Variants in PIK3IP1 observed in about 807,000 individuals in gnomAD.
The protein encoded by PIK3IP1 is phosphoinositide-3-kinase-interacting protein 1.
A neutral mutation model predicts 30.7 loss-of-function variants in PIK3IP1; 28 were observed. That is an observed-to-expected ratio of 0.91 (90% CI 0.68 to 1.25). PIK3IP1 has a LOEUF of 1.25. Among genes scored for constraint, PIK3IP1 ranks in the 50% most tolerant of loss-of-function variants. The pLI is 0.00. For missense variants in PIK3IP1, 333 were observed against 346.2 expected (o/e 0.96, Z 0.30); for synonymous variants, 159 against 140.8 (o/e 1.13, Z -0.91).
intron 5 of PIK3IP1, among the ~76,000 whole-genome samples, chr22:31,285,275 TTAA>T (rs1196751108): frequency 6.6e-6 from 1 of 152,160 alleles, no homozygotes; most frequent in Non-Finnish European, 1.5e-5. Flanking sequence ...TCCTGCTTTC[TTAA>T]TAAGTAAGGC....
chr22:31,290,797 G>T, intron 3 of PIK3IP1, 168 bp downstream of exon 3: 1 of 1,001,108 alleles, frequency 1.0e-6, no homozygotes, highest in Non-Finnish European at 1.4e-6. Context: ...TGGCGGCGGC[G>T]GCCAATAGGC....
At chr22:31,290,740 C>G (rs1450297539) in intron 3 of PIK3IP1, 2 of 586,112 alleles carry the variant, frequency 3.4e-6, no homozygotes, top group East Asian at 3.5e-5. Context: ...CCAGCCTCGC[C>G]CCGCGCAGTT....
rs767140636 is a variant in PIK3IP1, at chr22:31,283,267, C to T, written c.609G>A (p.Gln203=). The T allele has an allele frequency of 6.2e-7, 1 of 1,613,820 alleles. No individual in the cohort carries two copies. Among genetic ancestry groups the T allele is most frequent in the Non-Finnish European group, 8.5e-7 (1 of 1,180,010 alleles). The change falls in exon 6 of 6, where the codon CAG becomes CAA. Residue 203 remains glutamine (Q), a synonymous_variant. Coordinates refer to ENST00000215912, the MANE Select transcript of PIK3IP1 (RefSeq NM_052880.5). The part of the protein sequence containing the change: ...SYKRGKDLKE[Q]HDQKVCEREM... ...CCCTCTCACATACTTTCTGATCATG[C>T]TGTTCTTTCAAATCCTTCCCCCTGG...
At chr22:31,288,766 C>A (rs1480910093) in intron 5 of PIK3IP1, among the ~76,000 whole-genome samples, 2 of 152,246 alleles carry the variant, frequency 1.3e-5, no homozygotes, top group East Asian at 3.8e-4. Flanking sequence ...GGCAAACAGA[C>A]TTTCTGTTCT....
Position 31,283,371 on chromosome 22 carries a change from A to C in PIK3IP1, c.588-83T>G. On this transcript the variant is annotated intron_variant, in intron 5 of 5. Coordinates refer to ENST00000215912, the MANE Select transcript of PIK3IP1 (RefSeq NM_052880.5). ...TTAGATAGCATCCCTGAGGCTCAGC[A>C]AGAGCAGCAGCTTGCCATTGTCACA... The C allele has an allele frequency of 2.1e-6, 3 of 1,433,120 alleles. No homozygotes were observed. In the South Asian group the frequency reaches 3.7e-5, roughly 18 times the overall value. 88.8% of individuals were successfully genotyped at this position (1,433,120 alleles called of 1,614,324 possible).
At chr22:31,292,149 T>C (rs1189704287) in intron 1 of PIK3IP1, 126 bp downstream of exon 1, 1 of 905,140 alleles carries the variant, frequency 1.1e-6, no homozygotes, top group East Asian at 2.5e-5. Flanking sequence ...TGGAAAAGCT[T>C]TCACGGGACA....
Position 31,281,805 on chromosome 22 carries a change from C to T in PIK3IP1, c.*1279G>A, listed in dbSNP as rs2049091246. ...GCAGATGGCTCCATAGAAAGCCCCA[C>T]TAACCCGTCTCCACATTGGGCAGTG... On this transcript the variant is annotated 3_prime_UTR_variant, in exon 6 of 6. Coordinates refer to ENST00000215912, the MANE Select transcript of PIK3IP1 (RefSeq NM_052880.5). The T allele has an allele frequency of 1.8e-5, 1 of 54,860 alleles. No homozygotes were observed. Among genetic ancestry groups the T allele is most frequent in the African/African-American group, 2.4e-4 (1 of 4,194 alleles). The allele number at this position is 54,860 out of a possible 1,614,324, so 3.4% of individuals were successfully genotyped here.
At chr22:31,290,818 G>T in intron 3 of PIK3IP1, 147 bp downstream of exon 3, 1 of 1,218,392 alleles carries the variant, frequency 8.2e-7, no homozygotes, top group Non-Finnish European at 1.1e-6. Flanking sequence ...TTTGAGCCCC[G>T]CGGCCTGGAG....
rs115977339 is a variant in PIK3IP1 at position 31,283,078 on chromosome 22, G to T, written c.*6C>A. The T allele has an allele frequency of 7.1e-4, 1,124 of 1,582,816 alleles. 7 individuals carry two copies. The African/African-American group carries it at 0.013, about 18-fold the overall frequency. On this transcript the variant is annotated 3_prime_UTR_variant, in exon 6 of 6. Coordinates refer to ENST00000215912, the MANE Select transcript of PIK3IP1 (RefSeq NM_052880.5). ...GTCTGCATGGGCTCCTGCCCACTGG[G>T]GGGGCTCAGGCCCCAGGAGTCCCGG... is the stretch of plus-strand genomic sequence containing the variant.
rs960089873 is a variant in PIK3IP1 at position 31,291,477 on chromosome 22, C to G, written c.71-181G>C. 2.3e-4 allele frequency among the ~76,000 whole-genome samples: 34 copies of G among 150,752 alleles called. 1 individual carries two copies. Among genetic ancestry groups the G allele is most frequent in the Middle Eastern group, 3.4e-3 (1 of 290 alleles). The stretch of plus-strand genomic sequence containing the variant: ...ACCCCCACGCCCCACGCACCCCCCC[C>G]CCCCAACTCCACGCACACCTCAGGG... On this transcript the variant is annotated intron_variant, in intron 1 of 5. Coordinates refer to ENST00000215912, the MANE Select transcript of PIK3IP1 (RefSeq NM_052880.5).
At chr22:31,292,125 A>C (rs2049185370) in intron 1 of PIK3IP1, 150 bp downstream of exon 1, 1 of 698,678 alleles carries the variant, frequency 1.4e-6, no homozygotes, top group Non-Finnish European at 2.5e-6. Flanking sequence ...AGCCCCTGAC[A>C]AGGAAAGGAG....
rs41307239 is a variant in PIK3IP1, at chr22:31,292,263, T to C, written c.70+12A>G. 26,900 of 1,613,260 alleles carry C rather than the reference T, an allele frequency of 0.017. 252 individuals carry two copies. The highest frequency in any genetic ancestry group is 0.02 in the Non-Finnish European group (23,898 of 1,179,230). ...ATGAAGTTGCTGCGGAAAGGAAAGA[T>C]TGTAATCTCACCTCCAGATCCATAG... On this transcript the variant is annotated intron_variant, in intron 1 of 5. Transcript: ENST00000215912.
Position 31,283,080 on chromosome 22 carries a change from G to T in PIK3IP1, c.*4C>A, listed in dbSNP as rs773538056. The T allele has an allele frequency of 3.8e-6, 6 of 1,585,324 alleles. No homozygotes were observed. The Admixed American group carries it at 1.1e-4, about 29-fold the overall frequency. On this transcript the variant is annotated 3_prime_UTR_variant, in exon 6 of 6. Transcript: ENST00000215912. ...CTGCATGGGCTCCTGCCCACTGGGGGGGCTCAGGCCCCAGGAGTCCCGGCC... is the reference window on the plus strand; with the variant it reads ...CTGCATGGGCTCCTGCCCACTGGGGTGGCTCAGGCCCCAGGAGTCCCGGCC...
chr22:31,283,683 C>T (rs7288643), intron 5 of PIK3IP1, among the ~76,000 whole-genome samples: 11 of 151,466 alleles, frequency 7.3e-5, no homozygotes, highest in East Asian at 3.9e-4. Context: ...CTCCCACCCC[C>T]CAAAGTACTG....
intron 5 of PIK3IP1, among the ~76,000 whole-genome samples, 189 bp from the exon 6 acceptor site, chr22:31,283,477 A>C (rs2049106248): frequency 6.6e-6 from 1 of 152,192 alleles, no homozygotes; most frequent in South Asian, 2.1e-4. Context: ...GTTAAACTCA[A>C]CAAGAAGCTC....
At chr22:31,290,833 C>A in intron 3 of PIK3IP1, 132 bp downstream of exon 3, 2 of 1,320,312 alleles carry the variant, frequency 1.5e-6, no homozygotes, top group South Asian at 3.3e-5. Flanking sequence ...CTGGAGACAG[C>A]CCTGGCCAAT....
At chr22:31,283,352 A>G in intron 5 of PIK3IP1, 64 bp from the exon 6 acceptor site, 2 of 1,539,072 alleles carry the variant, frequency 1.3e-6, no homozygotes, top group African/African-American at 1.4e-5. Flanking sequence ...CTCATTAGAT[A>G]GCATCCCTGA....
intron 5 of PIK3IP1, among the ~76,000 whole-genome samples, chr22:31,285,561 A>G (rs997661058): frequency 2.0e-5 from 3 of 152,230 alleles, no homozygotes; most frequent in Non-Finnish European, 2.9e-5. Flanking sequence ...GTACAGATGA[A>G]GAAATTGAGG....
intron 1 of PIK3IP1, 21 bp from the exon 2 acceptor site, chr22:31,291,317 C>T (rs751142650): frequency 1.9e-6 from 3 of 1,551,526 alleles, no homozygotes; most frequent in African/African-American, 2.7e-5. Context: ...AAGAAGCCCC[C>T]GGACACAGAA....
Sources: gnomAD v4.1 joint callset for allele counts (sites outside exome capture counted in the v4.1 genomes callset) on GRCh38, gnomAD v4.1.1 for gene constraint, MANE v1.5 for transcripts, NCBI Gene and HGNC (gene_info 2026-07-23, HGNC 2026-07-21) for gene names.